Variants in STIM1 observed in about 807,000 individuals in gnomAD.
The protein encoded by STIM1 is stromal interaction molecule 1.
In STIM1, 25 loss-of-function variants were observed where a neutral mutation model predicts 74.7. The ratio of observed to expected loss-of-function variants is 0.33; its 90% CI spans 0.24 to 0.47. The LOEUF (loss-of-function observed/expected upper bound fraction) is 0.47. Ranked by LOEUF, STIM1 falls within the 20% of genes least tolerant of loss-of-function variation. The pLI is 1.00. For synonymous variants in STIM1, 328 were observed against 348.8 expected (o/e 0.94, Z 0.66); for missense variants, 728 against 920.8 (o/e 0.79, Z 2.71).
chr11:4,072,441 G>C (rs1182818443), intron 6 of STIM1, among the ~76,000 whole-genome samples: 3 of 152,170 alleles, frequency 2.0e-5, no homozygotes, highest in Non-Finnish European at 2.9e-5. Flanking sequence ...AGGCAGGCAG[G>C]AATTTTGATT....
At chr11:4,033,310 C>A (rs912212779) in intron 3 of STIM1, among the ~76,000 whole-genome samples, 2 of 152,106 alleles carry the variant, frequency 1.3e-5, no homozygotes, top group Non-Finnish European at 2.9e-5. Flanking sequence ...CGGCTTTGTT[C>A]TTTTGGCTTA....
intron 1 of STIM1, among the ~76,000 whole-genome samples, chr11:3,894,259 T>C (rs1405360293): frequency 6.6e-6 from 1 of 152,170 alleles, no homozygotes; most frequent in African/African-American, 2.4e-5. Flanking sequence ...TATTTGTTGT[T>C]TTTGGCTTAC....
chr11:3,986,178 A>G (rs1003241964), intron 2 of STIM1, among the ~76,000 whole-genome samples: 8 of 152,200 alleles, frequency 5.3e-5, no homozygotes, highest in Admixed American at 3.9e-4. Context: ...TACATATTCA[A>G]TCCCCATAGA....
intron 2 of STIM1, among the ~76,000 whole-genome samples, chr11:4,017,067 C>T (rs2093905591): frequency 6.6e-6 from 1 of 152,168 alleles, no homozygotes; most frequent in Non-Finnish European, 1.5e-5. Flanking sequence ...GCTTGTCCTC[C>T]ATGGGCTGCA....
At chr11:3,904,462 G>A (rs776508079) in intron 1 of STIM1, among the ~76,000 whole-genome samples, 21 of 152,114 alleles carry the variant, frequency 1.4e-4, no homozygotes, top group African/African-American at 4.6e-4. Context: ...GCCAGATCCC[G>A]AATGACCTTG....
intron 2 of STIM1, among the ~76,000 whole-genome samples, chr11:3,972,361 G>A (rs1183975695): frequency 6.6e-6 from 1 of 152,138 alleles, no homozygotes; most frequent in Non-Finnish European, 1.5e-5. Flanking sequence ...AGGGCCTCTT[G>A]CACTATTACC....
At position 3,862,814 on chromosome 11, in the gene STIM1, T is replaced by C. The variant is rs114559708; in HGVS notation, c.139+6405T>C. 3.2e-3 allele frequency among the ~76,000 whole-genome samples: 492 copies of C among 152,148 alleles called. 1 individual carries two copies. The highest frequency in any genetic ancestry group is 0.024 in the Middle Eastern group (7 of 294). On this transcript the variant is annotated intron_variant, in intron 1 of 12. Transcript: ENST00000526596. Reference sequence around the variant, plus strand: ...CTGAGGTCTGGGGGTAAAAAAAGTATATATGTGTGTATAAGATACATACTT... The same window carrying C: ...CTGAGGTCTGGGGGTAAAAAAAGTACATATGTGTGTATAAGATACATACTT...
chr11:3,904,497 C>A (rs1364851919), intron 1 of STIM1, among the ~76,000 whole-genome samples: 3 of 152,066 alleles, frequency 2.0e-5, no homozygotes, highest in African/African-American at 7.2e-5. Context: ...GAGCTTAAAT[C>A]CTATTGGAGT....
At chr11:3,936,825 T>TC (rs2092937626) in intron 1 of STIM1, among the ~76,000 whole-genome samples, 1 of 152,160 alleles carries the variant, frequency 6.6e-6, no homozygotes, top group African/African-American at 2.4e-5. Flanking sequence ...TTCATATCCT[T>TC]GAAAGGCTGT....
intron 1 of STIM1, among the ~76,000 whole-genome samples, chr11:3,895,694 C>CT (rs1368808851): frequency 2.1e-4 from 7 of 33,776 alleles, no homozygotes; most frequent in African/African-American, 9.0e-4. Flanking sequence ...TTCTTTCTTT[C>CT]TTTCTTTCTT....
intron 1 of STIM1, among the ~76,000 whole-genome samples, chr11:3,937,668 T>C (rs2092951671): frequency 6.6e-6 from 1 of 152,120 alleles, no homozygotes; most frequent in African/African-American, 2.4e-5. Flanking sequence ...AGTCCCAGGG[T>C]TCACTCTGCT....
intron 7 of STIM1, among the ~76,000 whole-genome samples, chr11:4,075,154 AAAAG>A (rs1382216790): frequency 1.3e-5 from 2 of 152,198 alleles, no homozygotes; most frequent in East Asian, 1.9e-4. Flanking sequence ...AAAAAACAAA[AAAAG>A]AAAGAAAGAA....
In STIM1 at chr11:4,059,314, T is replaced by A. The variant is rs767768485; in HGVS notation, c.531T>A (p.Thr177=). The change falls in exon 5 of 13, where the codon ACT becomes ACA. Residue 177 remains threonine (T), a synonymous_variant. Transcript: ENST00000526596. ...LAVTNTTMTG[T]VLKMTDRSHR... ...TCACCAACACCACCATGACAGGGAC[T>A]GTGCTGAAGATGACAGACCGGAGTC... The A allele has an allele frequency of 6.2e-6, 10 of 1,614,102 alleles. No homozygotes were observed. Among genetic ancestry groups the A allele is most frequent in the Non-Finnish European group, 8.5e-6 (10 of 1,179,992 alleles).
At chr11:3,984,312 T>G (rs563692835) in intron 2 of STIM1, among the ~76,000 whole-genome samples, 1 of 152,358 alleles carries the variant, frequency 6.6e-6, no homozygotes, top group Non-Finnish European at 1.5e-5. Flanking sequence ...TCTCTGCCTG[T>G]ATCCTGGTGC....
chr11:4,029,818 G>T (rs145315590), intron 3 of STIM1, among the ~76,000 whole-genome samples: 42 of 152,260 alleles, frequency 2.8e-4, no homozygotes, highest in Non-Finnish European at 4.9e-4. Context: ...TTATTTCATT[G>T]TGTAATATTA....
At chr11:3,933,941 G>A (rs1187751294) in intron 1 of STIM1, among the ~76,000 whole-genome samples, 1 of 152,168 alleles carries the variant, frequency 6.6e-6, no homozygotes, top group Non-Finnish European at 1.5e-5. Context: ...TTTCTAAATT[G>A]CGTGGCTACT....
At chr11:4,050,374 T>A (rs530541515) in intron 3 of STIM1, among the ~76,000 whole-genome samples, 7 of 152,316 alleles carry the variant, frequency 4.6e-5, no homozygotes, top group African/African-American at 1.7e-4. Flanking sequence ...CCATGTTCAT[T>A]ATAGTGCTAT....
chr11:3,856,438 C>A (rs1306742691), intron 1 of STIM1, 29 bp downstream of exon 1: 1 of 1,609,560 alleles, frequency 6.2e-7, no homozygotes, highest in African/African-American at 1.3e-5. Context: ...CTGGACTGGG[C>A]TGGAGGCTTT....
intron 1 of STIM1, among the ~76,000 whole-genome samples, chr11:3,957,874 A>AT (rs912215137): frequency 8.9e-5 from 13 of 146,838 alleles, no homozygotes; most frequent in East Asian, 2.0e-4. Context: ...CAATGGATTA[A>AT]TTTTTTTTTT....
Sources: gnomAD v4.1 joint callset for allele counts (sites outside exome capture counted in the v4.1 genomes callset) on GRCh38, gnomAD v4.1.1 for gene constraint, MANE v1.5 for transcripts, NCBI Gene and HGNC (gene_info 2026-07-23, HGNC 2026-07-21) for gene names.